Variants in LRRC47 observed in about 807,000 individuals in gnomAD.
LRRC47 encodes the protein leucine-rich repeat-containing protein 47.
Under a neutral mutation model 40.9 loss-of-function variants are expected in LRRC47, and 31 were observed. The observed-to-expected ratio is 0.76, with a 90% CI of 0.57 to 1.02. LRRC47 has a LOEUF of 1.02. Ranked by LOEUF, LRRC47 falls within the 50% of genes least tolerant of loss-of-function variation. LRRC47 has a pLI of 0.00. For missense variants in LRRC47, 726 were observed against 796.1 expected (o/e 0.91, Z 1.06); for synonymous variants, 427 against 371.9 (o/e 1.15, Z -1.70).
At chr1:3,791,638 T>G (rs1305548082) in intron 1 of LRRC47, among the ~76,000 whole-genome samples, 3 of 152,196 alleles carry the variant, frequency 2.0e-5, no homozygotes, top group African/African-American at 7.2e-5. Flanking sequence ...GTATTTTTAG[T>G]AGAGACGGGG....
In LRRC47 at chr1:3,796,060, G is replaced by T; in HGVS notation, c.417C>A (p.Asn139Lys). Residue 139 changes from asparagine to lysine, a missense_variant, in exon 1 of 7, where the codon AAC becomes AAA. Asn to Lys is a moderately conservative substitution (Grantham distance 94, BLOSUM62 0). Transcript: ENST00000378251. ...GGTCGGCTGGCAGCTCGCGCAGCCG[G>T]TTGCCGCTGAGGTTGAGGCTCTGCA... ...PQLQSLNLSGNRLRELPADLA... is the reference protein window; with the variant it reads ...PQLQSLNLSGKRLRELPADLA... 6.5e-7 allele frequency: 1 copy of T among 1,538,620 alleles called. No individual in the cohort carries two copies. The highest frequency in any genetic ancestry group is 2.0e-5 in the Admixed American group (1 of 50,702).
chr1:3,781,565 T>C lies in LRRC47; in HGVS notation c.1450A>G (p.Thr484Ala). 6.2e-7 allele frequency: 1 copy of C among 1,613,976 alleles called. No homozygotes were observed. The highest frequency in any genetic ancestry group is 8.5e-7 in the Non-Finnish European group (1 of 1,179,970). The part of the protein sequence containing the change: ...KTTSDLFLEV[T>A]SATSLQICKD... ...CAAATCTGCAGACTGGTGGCACTTGTTACTTCCAAAAACAAATCAGAAGTC... is the reference window on the plus strand; with the variant it reads ...CAAATCTGCAGACTGGTGGCACTTGCTACTTCCAAAAACAAATCAGAAGTC... Residue 484 changes from threonine to alanine, a missense_variant, in exon 6 of 7, where the codon ACA (threonine) becomes GCA (alanine). Transcript: ENST00000378251.
At chr1:3,786,767 C>T in intron 2 of LRRC47, 82 bp downstream of exon 2, 1 of 1,325,342 alleles carries the variant, frequency 7.5e-7, no homozygotes, top group Non-Finnish European at 1.0e-6. Context: ...CTCCTTCGGA[C>T]ACGCTGGCCT....
chr1:3,786,016 C>T (rs1643569129), intron 2 of LRRC47, among the ~76,000 whole-genome samples: 1 of 152,040 alleles, frequency 6.6e-6, no homozygotes, highest in Non-Finnish European at 1.5e-5. Context: ...ATTAAAGGTG[C>T]TCACCACCAC....
intron 2 of LRRC47, 96 bp from the exon 3 acceptor site, chr1:3,785,299 AC>A: frequency 1.2e-6 from 1 of 850,110 alleles, no homozygotes; most frequent in Non-Finnish European, 1.7e-6. Context: ...GTGCCAGGAA[AC>A]CCTCCCGGTC....
At chr1:3,788,103 C>G (rs1422140144) in intron 1 of LRRC47, among the ~76,000 whole-genome samples, 1 of 152,230 alleles carries the variant, frequency 6.6e-6, no homozygotes, top group African/African-American at 2.4e-5. Context: ...GATGTCTTTC[C>G]CAGGGTCTGG....
intron 3 of LRRC47, 200 bp downstream of exon 3, chr1:3,784,887 C>T (rs142724212): frequency 7.3e-4 from 239 of 328,318 alleles, no homozygotes; most frequent in African/African-American, 4.8e-3. Context: ...CTCAGCTATT[C>T]GGGAGGCTGA....
chr1:3,780,987 C>A lies in LRRC47; in HGVS notation c.*101G>T. ...GAGACTCCATCTCAAAAAAAAAAAC[C>A]AACAAAAAAACTGGGGTGAAAATCT... On this transcript the variant is annotated 3_prime_UTR_variant, in exon 7 of 7. Transcript: ENST00000378251. The A allele has an allele frequency of 1.3e-6, 2 of 1,515,156 alleles. No homozygotes were observed. The highest frequency in any genetic ancestry group is 1.3e-5 in the South Asian group (1 of 76,720). 93.9% of individuals were successfully genotyped at this position (1,515,156 alleles called of 1,614,324 possible).
chr1:3,791,551 G>C (rs546394123), intron 1 of LRRC47, among the ~76,000 whole-genome samples: 1 of 152,208 alleles, frequency 6.6e-6, no homozygotes. Context: ...CCGCCTCCCA[G>C]GTTCAAGCAA....
At chr1:3,784,286 C>T in intron 3 of LRRC47, 175 bp from the exon 4 acceptor site, 2 of 608,022 alleles carry the variant, frequency 3.3e-6, no homozygotes, top group Non-Finnish European at 2.9e-6. Flanking sequence ...TGTGGGCTGC[C>T]ACTGCAGCGT....
At chr1:3,787,648 T>A (rs1643588908) in intron 1 of LRRC47, among the ~76,000 whole-genome samples, 1 of 152,030 alleles carries the variant, frequency 6.6e-6, no homozygotes, top group Admixed American at 6.5e-5. Context: ...AACAGAAAGG[T>A]GACAAGAGAC....
chr1:3,784,207 A>G, intron 3 of LRRC47, 96 bp from the exon 4 acceptor site: 1 of 977,118 alleles, frequency 1.0e-6, no homozygotes, highest in Non-Finnish European at 1.5e-6. Flanking sequence ...AGCCCTCCCG[A>G]CTCCCGCCCT....
At chr1:3,792,464 C>CT (rs34288803) in intron 1 of LRRC47, among the ~76,000 whole-genome samples, 8,069 of 142,374 alleles carry the variant, frequency 0.057, 379 homozygotes, top group Middle Eastern at 0.099. Flanking sequence ...TGGACGCACA[C>CT]TTTTTTTTTT....
chr1:3,785,143 G>A lies in LRRC47; in HGVS notation c.1138C>T (p.Leu380Phe), dbSNP rs1298203077. Residue 380 changes from leucine to phenylalanine, a missense_variant, in exon 3 of 7, where the codon CTC becomes TTC. Coordinates refer to ENST00000378251, the MANE Select transcript of LRRC47 (RefSeq NM_020710.3). The stretch of plus-strand genomic sequence containing the variant: ...AGCAGGGGCCCTTTGACGGCACGGA[G>A]CTCGTGGGTGGCAAGGGTGGCAGCC... The part of the protein sequence containing the change: ...RTAATLATHE[L>F]RAVKGPLLYC... 1.9e-6 allele frequency: 3 copies of A among 1,600,618 alleles called. No homozygotes were observed. Among genetic ancestry groups the A allele is most frequent in the African/African-American group, 2.7e-5 (2 of 73,930 alleles).
chr1:3,783,437 G>C (rs1179569377), intron 4 of LRRC47, among the ~76,000 whole-genome samples: 2 of 104,190 alleles, frequency 1.9e-5, no homozygotes, highest in Non-Finnish European at 3.9e-5. Flanking sequence ...AAAAAAAAAA[G>C]CACACACCTG....
chr1:3,788,316 C>T (rs1284985917), intron 1 of LRRC47, among the ~76,000 whole-genome samples: 2 of 152,218 alleles, frequency 1.3e-5, no homozygotes, highest in African/African-American at 4.8e-5. Context: ...GGAGGAAGAC[C>T]CTGCTCAGGA....
chr1:3,783,499 T>C (rs771425774), intron 4 of LRRC47, among the ~76,000 whole-genome samples: 41 of 150,640 alleles, frequency 2.7e-4, no homozygotes, highest in Non-Finnish European at 5.9e-4. Flanking sequence ...TTTACACAAA[T>C]TAAGTGTAAT....
chr1:3,781,166 C>T lies in LRRC47; in HGVS notation c.1674G>A (p.Leu558=). The T allele has an allele frequency of 1.2e-6, 2 of 1,614,148 alleles. No individual in the cohort carries two copies. The highest frequency in any genetic ancestry group is 1.7e-6 in the Non-Finnish European group (2 of 1,180,024). ...GGTACACCACCTTCAGGCTCCCTTC[C>T]AGATCCACCACCCGGACCTGCTCCA... ...LVVEQVRVVD[L]EGSLKVVYPS... Residue 558 remains leucine, a synonymous_variant, in exon 7 of 7, where the codon CTG becomes CTA. Transcript: ENST00000378251.
chr1:3,791,150 G>A (rs1191874705), intron 1 of LRRC47, among the ~76,000 whole-genome samples: 1 of 151,694 alleles, frequency 6.6e-6, no homozygotes, highest in Non-Finnish European at 1.5e-5. Context: ...GCCCACGCCA[G>A]CTGAGCACAG....
Sources: gnomAD v4.1 joint callset for allele counts (sites outside exome capture counted in the v4.1 genomes callset) on GRCh38, gnomAD v4.1.1 for gene constraint, MANE v1.5 for transcripts, NCBI Gene and HGNC (gene_info 2026-07-23, HGNC 2026-07-21) for gene names.